Variants in GRK4 observed in about 807,000 individuals in gnomAD.
GRK4 encodes G protein-coupled receptor kinase 2-like.
In GRK4, 73 loss-of-function variants were observed where a neutral mutation model predicts 77.9. The ratio of observed to expected loss-of-function variants is 0.94; its 90% confidence interval spans 0.78 to 1.14. GRK4 has a LOEUF of 1.14. Among genes scored for constraint, GRK4 ranks in the 50% most tolerant of loss-of-function variants. The pLI is 0.00. For missense variants in GRK4, 729 were observed against 700.2 expected, an observed-to-expected ratio of 1.04 and a Z score of -0.46; for synonymous variants, 257 against 254.4, an observed-to-expected ratio of 1.01 and a Z score of -0.10.
intron 4 of GRK4, among the ~76,000 whole-genome samples, chr4:3,002,650 C>T (rs578122683): frequency 7.9e-5 from 12 of 152,026 alleles, no homozygotes; most frequent in African/African-American, 2.9e-4. Context: ...CTTGCAGTGA[C>T]CCAAGATCAT....
intron 4 of GRK4, among the ~76,000 whole-genome samples, chr4:3,003,823 G>A (rs544879181): frequency 1.3e-5 from 2 of 152,054 alleles, no homozygotes; most frequent in African/African-American, 2.4e-5. Flanking sequence ...TGCAACCTCC[G>A]CCTCCCAGGT....
chr4:2,985,036 G>A (rs138430584), intron 2 of GRK4, among the ~76,000 whole-genome samples: 4 of 152,196 alleles, frequency 2.6e-5, no homozygotes, highest in Admixed American at 6.5e-5. Flanking sequence ...CCCCATGACC[G>A]AGCCAATTAT....
intron 1 of GRK4, among the ~76,000 whole-genome samples, chr4:2,973,532 AC>A (rs1720197310): frequency 6.6e-6 from 1 of 151,832 alleles, no homozygotes; most frequent in South Asian, 2.1e-4. Flanking sequence ...CAACCCCAGC[AC>A]CCCGATGTTT....
chr4:3,040,565 G>T lies in GRK4; in HGVS notation c.1684-7G>T. 2 of 1,607,922 alleles carry T rather than the reference G, an allele frequency of 1.2e-6. No homozygotes were observed. Among genetic ancestry groups the T allele is most frequent in the Non-Finnish European group, 1.7e-6 (2 of 1,177,478 alleles). On this transcript the variant is annotated splice_polypyrimidine_tract_variant and splice_region_variant and intron_variant, in intron 15 of 15. Transcript: ENST00000398052. Reference sequence around the variant, plus strand: ...CGTGTGCCTGAGGCCGCCGCTGTGTGTTGTAGGGCTGCCTGACCATGGTCC... The same window carrying T: ...CGTGTGCCTGAGGCCGCCGCTGTGTTTTGTAGGGCTGCCTGACCATGGTCC...
At chr4:3,020,396 T>A (rs1318224659) in intron 9 of GRK4, among the ~76,000 whole-genome samples, 1 of 152,202 alleles carries the variant, frequency 6.6e-6, no homozygotes, top group African/African-American at 2.4e-5. Context: ...CATGTAAGCA[T>A]AAGAAGAGCC....
chr4:2,994,745 T>C (rs1221001876), intron 4 of GRK4, among the ~76,000 whole-genome samples: 1 of 152,236 alleles, frequency 6.6e-6, no homozygotes, highest in Non-Finnish European at 1.5e-5. Flanking sequence ...GCTGCTGTAA[T>C]AGAATGCCAG....
At chr4:2,986,822 T>A in intron 2 of GRK4, 1 of 350,668 alleles carries the variant, frequency 2.9e-6, no homozygotes, top group South Asian at 2.1e-5. Context: ...TTGTAGTTCC[T>A]TTTAAAGAAA....
At chr4:2,986,974 C>T (rs891415032) in intron 2 of GRK4, 2 of 330,670 alleles carry the variant, frequency 6.0e-6, no homozygotes, top group Non-Finnish European at 1.2e-5. Flanking sequence ...AATTCATATG[C>T]CATACAACTT....
chr4:2,974,610 T>C (rs1185549972), intron 1 of GRK4, among the ~76,000 whole-genome samples: 2 of 152,190 alleles, frequency 1.3e-5, no homozygotes, highest in African/African-American at 2.4e-5. Context: ...TTAGCTCAGG[T>C]AATGTGGAGG....
chr4:2,971,587 G>C (rs1001503402), intron 1 of GRK4, among the ~76,000 whole-genome samples: 15 of 152,218 alleles, frequency 9.9e-5, no homozygotes, highest in Admixed American at 9.8e-4. Context: ...ATAGCAGGAA[G>C]AAGAAAGCGG....
chr4:3,032,302 G>A (rs1174369256), intron 12 of GRK4, among the ~76,000 whole-genome samples: 1 of 138,676 alleles, frequency 7.2e-6, no homozygotes, highest in Non-Finnish European at 1.6e-5. Context: ...CCAAGATGGT[G>A]AAATCCTATC....
chr4:3,039,008 G>A, intron 15 of GRK4: 1 of 153,608 alleles, frequency 6.5e-6, no homozygotes, highest in Non-Finnish European at 1.4e-5. Flanking sequence ...CTGAGGTCAG[G>A]AGTTTGAGAC....
intron 1 of GRK4, among the ~76,000 whole-genome samples, chr4:2,972,736 T>TA (rs200908596): frequency 0.01 from 1,538 of 152,118 alleles, 26 homozygotes; most frequent in African/African-American, 0.036. Flanking sequence ...ATTTACTCTT[T>TA]AAAAAAATTT....
chr4:3,006,110 T>TTACA (rs1731252880), intron 5 of GRK4, among the ~76,000 whole-genome samples: 1 of 152,134 alleles, frequency 6.6e-6, no homozygotes, highest in Non-Finnish European at 1.5e-5. Context: ...CCAGGCATGG[T>TTACA]GGCTCACGCC....
At chr4:3,035,024 G>C (rs901812106) in intron 12 of GRK4, among the ~76,000 whole-genome samples, 1 of 152,096 alleles carries the variant, frequency 6.6e-6, no homozygotes, top group Admixed American at 6.5e-5. Context: ...TTGGGAGGTC[G>C]AGGCGGGTGG....
At chr4:2,980,389 C>G (rs563406930) in intron 1 of GRK4, among the ~76,000 whole-genome samples, 1 of 152,166 alleles carries the variant, frequency 6.6e-6, no homozygotes, top group East Asian at 1.9e-4. Flanking sequence ...CAGTGGGAAT[C>G]TTCTGTCGAT....
chr4:3,018,200 T>G (rs534218822), intron 8 of GRK4, among the ~76,000 whole-genome samples: 3 of 152,138 alleles, frequency 2.0e-5, no homozygotes, highest in African/African-American at 7.2e-5. Context: ...TATGAACCAC[T>G]GTGCCCGGCC....
chr4:3,024,861 AAAC>A (rs1737012760), intron 10 of GRK4, among the ~76,000 whole-genome samples: 1 of 152,056 alleles, frequency 6.6e-6, no homozygotes, highest in African/African-American at 2.4e-5. Flanking sequence ...CCGTCTCAAA[AAAC>A]AAACAAACAA....
chr4:3,006,749 GGT>G (rs1407919759), intron 5 of GRK4, among the ~76,000 whole-genome samples: 1 of 152,112 alleles, frequency 6.6e-6, no homozygotes, highest in Non-Finnish European at 1.5e-5. Flanking sequence ...CTCCAGCCTG[GGT>G]GACAGAGCCA....
Sources: allele counts gnomAD v4.1 joint callset (sites outside exome capture counted in the v4.1 genomes callset), GRCh38; gene constraint gnomAD v4.1.1; transcripts MANE v1.5; gene names NCBI Gene and HGNC (gene_info 2026-07-23, HGNC 2026-07-21).